SELENOF: variants seen among roughly 807,000 people sequenced by gnomAD.
The protein encoded by SELENOF is selenoprotein F.
A neutral mutation model predicts 20.5 loss-of-function variants in SELENOF; 16 were observed. That is an observed-to-expected ratio of 0.78 (90% CI 0.53 to 1.19). SELENOF has a LOEUF of 1.19. Ranked by LOEUF, SELENOF falls within the 50% of genes most tolerant of loss-of-function variation. SELENOF has a pLI of 0.00. For missense variants in SELENOF, 215 were observed against 194.2 expected, an observed-to-expected ratio of 1.11 and a Z score of -0.64; for synonymous variants, 78 against 74.5, an observed-to-expected ratio of 1.05 and a Z score of -0.24.
chr1:86,885,342 A>G (rs1310475553), intron 2 of SELENOF, among the ~76,000 whole-genome samples: 3 of 152,212 alleles, frequency 2.0e-5, no homozygotes, highest in Admixed American at 6.5e-5. Context: ...ATTAAGGTCC[A>G]ACTAGTTGCC....
At chr1:86,885,951 C>T (rs543404314) in intron 2 of SELENOF, among the ~76,000 whole-genome samples, 1 of 152,146 alleles carries the variant, frequency 6.6e-6, no homozygotes, top group Non-Finnish European at 1.5e-5. Flanking sequence ...AAGATTAATA[C>T]TTCCACAGTA....
chr1:86,902,743 C>T (rs1659733788), intron 2 of SELENOF, among the ~76,000 whole-genome samples: 1 of 152,094 alleles, frequency 6.6e-6, no homozygotes, highest in African/African-American at 2.4e-5. Context: ...GTAGGTTTAC[C>T]TGGAGAGACT....
intron 1 of SELENOF, among the ~76,000 whole-genome samples, chr1:86,908,840 G>A (rs1432077126): frequency 6.6e-6 from 1 of 152,184 alleles, no homozygotes; most frequent in African/African-American, 2.4e-5. Context: ...AGCTCCCTAA[G>A]ACTGTACTAA....
intron 1 of SELENOF, among the ~76,000 whole-genome samples, chr1:86,909,874 G>A (rs112548074): frequency 1.1e-3 from 168 of 152,270 alleles, no homozygotes; most frequent in African/African-American, 3.4e-3. Flanking sequence ...GCGTGGGGGC[G>A]CGTGCCTGTA....
At chr1:86,867,813 C>T (rs1658648520) in intron 4 of SELENOF, among the ~76,000 whole-genome samples, 1 of 139,574 alleles carries the variant, frequency 7.2e-6, no homozygotes, top group Non-Finnish European at 1.5e-5. Flanking sequence ...GGGTGGGGGC[C>T]AGGGAGTATA....
At chr1:86,874,466 C>T (rs1469354860) in intron 3 of SELENOF, among the ~76,000 whole-genome samples, 1 of 151,918 alleles carries the variant, frequency 6.6e-6, no homozygotes, top group Non-Finnish European at 1.5e-5. Flanking sequence ...TCATGCTGCC[C>T]CCTAGAAGAG....
intron 2 of SELENOF, among the ~76,000 whole-genome samples, chr1:86,897,188 GAGGCAGGAGAATCTCTTGA>G (rs1444999412): frequency 6.6e-6 from 1 of 152,054 alleles, no homozygotes; most frequent in Non-Finnish European, 1.5e-5. Context: ...GTGGGAGGCT[GAGGCAGGAGAATCTCTTGA>G]ACCCAGAAGG....
At chr1:86,892,321 AT>A (rs1659408254) in intron 2 of SELENOF, among the ~76,000 whole-genome samples, 1 of 152,196 alleles carries the variant, frequency 6.6e-6, no homozygotes, top group African/African-American at 2.4e-5. Context: ...CATTATTCAT[AT>A]GTTTTAAAAA....
At chr1:86,910,752 G>C (rs1436791299) in intron 1 of SELENOF, among the ~76,000 whole-genome samples, 1 of 149,640 alleles carries the variant, frequency 6.7e-6, no homozygotes, top group African/African-American at 2.5e-5. Context: ...TTACCAGCTA[G>C]AGTTGCACAG....
At chr1:86,887,036 G>A (rs767692631) in intron 2 of SELENOF, 15 of 1,136,886 alleles carry the variant, frequency 1.3e-5, no homozygotes, top group African/African-American at 3.2e-5. Context: ...TTTGGTCAGC[G>A]AATTCTCAGG....
chr1:86,898,005 T>C (rs554619562), intron 2 of SELENOF, among the ~76,000 whole-genome samples: 1 of 152,342 alleles, frequency 6.6e-6, no homozygotes, highest in South Asian at 2.1e-4. Flanking sequence ...AAAGATTCAA[T>C]ATATAAAGCT....
At chr1:86,892,549 TTC>T (rs1659416976) in intron 2 of SELENOF, among the ~76,000 whole-genome samples, 2 of 152,238 alleles carry the variant, frequency 1.3e-5, no homozygotes, top group Non-Finnish European at 2.9e-5. Context: ...ATCAGTAGCA[TTC>T]TCTTTCTGAC....
chr1:86,907,362 G>A (rs992810777), intron 1 of SELENOF, among the ~76,000 whole-genome samples: 1 of 152,160 alleles, frequency 6.6e-6, no homozygotes, highest in African/African-American at 2.4e-5. Flanking sequence ...GTATAGGGGA[G>A]ATACAAAGTA....
At chr1:86,866,230 C>CTCTG (rs535243866) in intron 4 of SELENOF, among the ~76,000 whole-genome samples, 7,594 of 113,604 alleles carry the variant, frequency 0.067, 338 homozygotes, top group Non-Finnish European at 0.1. Context: ...GTGTGTGTCT[C>CTCTG]TGTGTGTGTG....
At chr1:86,882,599 T>A (rs1269171119) in intron 2 of SELENOF, among the ~76,000 whole-genome samples, 2 of 151,938 alleles carry the variant, frequency 1.3e-5, no homozygotes, top group Admixed American at 1.3e-4. Context: ...GGAATTGCAG[T>A]TTTGCAAAAA....
intron 2 of SELENOF, among the ~76,000 whole-genome samples, chr1:86,896,383 G>T (rs1266739064): frequency 2.0e-5 from 3 of 152,088 alleles, no homozygotes; most frequent in African/African-American, 7.2e-5. Context: ...GCAGCCATAA[G>T]CAAGTTCAAG....
intron 2 of SELENOF, among the ~76,000 whole-genome samples, chr1:86,893,242 T>C (rs1659433767): frequency 6.6e-6 from 1 of 152,282 alleles, no homozygotes; most frequent in Non-Finnish European, 1.5e-5. Flanking sequence ...AATGTAATTA[T>C]GACAAAATTG....
At chr1:86,900,871 C>T (rs1659685789) in intron 2 of SELENOF, among the ~76,000 whole-genome samples, 1 of 152,020 alleles carries the variant, frequency 6.6e-6, no homozygotes, top group Admixed American at 6.6e-5. Flanking sequence ...ACGATGATTC[C>T]ACACACACAG....
intron 2 of SELENOF, among the ~76,000 whole-genome samples, chr1:86,881,461 T>C (rs375945688): frequency 3.3e-5 from 5 of 152,216 alleles, no homozygotes; most frequent in Admixed American, 1.3e-4. Flanking sequence ...ATTCTTTTTA[T>C]AGGGCAGGAA....
Sources: gnomAD v4.1 joint callset for allele counts (sites outside exome capture counted in the v4.1 genomes callset) on GRCh38, gnomAD v4.1.1 for gene constraint, MANE v1.5 for transcripts, NCBI Gene and HGNC (gene_info 2026-07-23, HGNC 2026-07-21) for gene names.